The following SEMA4D variants were observed in gnomAD, a reference collection of about 807,000 sequenced individuals.
The protein encoded by SEMA4D is semaphorin-4D.
A neutral mutation model predicts 74.8 loss-of-function variants in SEMA4D; 22 were observed. The observed-to-expected ratio is 0.29, with a 90% confidence interval of 0.21 to 0.42. The LOEUF (loss-of-function observed/expected upper bound fraction) is 0.42. Among genes scored for constraint, SEMA4D ranks in the 10% least tolerant of loss-of-function variants. The pLI is 1.00. For synonymous variants in SEMA4D, 445 were observed against 463.7 expected (o/e 0.96, Z 0.52); for missense variants, 937 against 1,118.4 (o/e 0.84, Z 2.31).
Position 89,461,700 on chromosome 9 carries a change from C to CTCTCTCTTTTTTTTT in SEMA4D, c.-309-5748_-309-5747insAAAAAAAAAGAGAGA, listed in dbSNP as rs71281350. Among the ~76,000 whole-genome samples the CTCTCTCTTTTTTTTT allele has an allele frequency of 1.4e-3, 148 of 103,636 alleles. 1 individual carries two copies. The highest frequency in any genetic ancestry group is 0.014 in the East Asian group (37 of 2,726). The allele number at this position is 103,636 out of a possible 152,430, so 68.0% of individuals were successfully genotyped here. On this transcript the variant is annotated intron_variant, in intron 1 of 15. Transcript: ENST00000422704. ...GGGCCAATGTGTATTTCTTTTTTCT[C>CTCTCTCTTTTTTTTT]TTTTTTTTTTTTTTTTTTTGGAGAC...
chr9:89,428,475 C>G (rs1448883714), intron 2 of SEMA4D, among the ~76,000 whole-genome samples: 1 of 152,250 alleles, frequency 6.6e-6, no homozygotes, highest in Admixed American at 6.5e-5. Context: ...TCCATTGCAG[C>G]CAGCGTGGAT....
At chr9:89,435,477 G>A (rs1304033001) in intron 2 of SEMA4D, among the ~76,000 whole-genome samples, 2 of 152,156 alleles carry the variant, frequency 1.3e-5, no homozygotes, top group Admixed American at 1.3e-4. Context: ...CAAGAGCTGT[G>A]GAGTTTCTGG....
At chr9:89,464,605 G>GA (rs1858185850) in intron 1 of SEMA4D, among the ~76,000 whole-genome samples, 2 of 152,184 alleles carry the variant, frequency 1.3e-5, no homozygotes, top group Non-Finnish European at 2.9e-5. Context: ...AAGAGGACAG[G>GA]GACACTGAGG....
In SEMA4D at chr9:89,403,023, G is replaced by A; in HGVS notation, c.107-7C>T. ...AACTGCACCAGGTGCACCTCTGTGG[G>A]ATGCAAGGGCAGGGTCAGAGTGGGA... On this transcript the variant is annotated splice_region_variant and splice_polypyrimidine_tract_variant and intron_variant, in intron 3 of 15. Coordinates refer to ENST00000422704, the MANE Select transcript of SEMA4D (RefSeq NM_001371194.2). The A allele has an allele frequency of 1.2e-6, 2 of 1,602,216 alleles. No homozygotes were observed. Among genetic ancestry groups the A allele is most frequent in the Non-Finnish European group, 1.7e-6 (2 of 1,169,954 alleles).
At chr9:89,412,046 C>T (rs1377974028) in intron 2 of SEMA4D, among the ~76,000 whole-genome samples, 1 of 152,164 alleles carries the variant, frequency 6.6e-6, no homozygotes, top group Non-Finnish European at 1.5e-5. Context: ...TGGCTGGCTC[C>T]ATCCCACAGT....
Position 89,379,604 on chromosome 9 carries a change from C to T in SEMA4D, c.1689G>A (p.Gln563=). 1.9e-6 allele frequency: 3 copies of T among 1,610,798 alleles called. No individual in the cohort carries two copies. Among genetic ancestry groups the T allele is most frequent in the Middle Eastern group, 1.7e-4 (1 of 6,052 alleles). Reference sequence around the variant, plus strand: ...CTGTGCCACCGTGCTTGAAAAAATGCTGCCGGTAACTTCCTTTACTTTTAT... The same window carrying T: ...CTGTGCCACCGTGCTTGAAAAAATGTTGCCGGTAACTTCCTTTACTTTTAT... ...CPDKSKGSYR[Q]HFFKHGGTAE... is the part of the protein sequence containing the mutation. The change falls in exon 16 of 16, where the codon CAG becomes CAA. Residue 563 remains glutamine, a synonymous_variant. Transcript: ENST00000422704.
intron 1 of SEMA4D, among the ~76,000 whole-genome samples, chr9:89,490,408 T>C (rs893762622): frequency 6.6e-6 from 1 of 152,266 alleles, no homozygotes; most frequent in African/African-American, 2.4e-5. Context: ...GTTTCATTTA[T>C]GATTTTTTGG....
At chr9:89,418,537 A>T (rs888982579) in intron 2 of SEMA4D, 4 of 457,142 alleles carry the variant, frequency 8.8e-6, no homozygotes, top group African/African-American at 8.6e-5. Flanking sequence ...GCAGAAACAC[A>T]TATGGCATAA....
intron 4 of SEMA4D, 91 bp from the exon 5 acceptor site, chr9:89,399,429 G>C: frequency 2.0e-6 from 2 of 992,342 alleles, no homozygotes; most frequent in Non-Finnish European, 3.2e-6. Flanking sequence ...ATAGAGTTTA[G>C]AGCCTAGAGG....
At chr9:89,408,548 A>G (rs191827757) in intron 2 of SEMA4D, among the ~76,000 whole-genome samples, 2 of 152,348 alleles carry the variant, frequency 1.3e-5, no homozygotes, top group African/African-American at 4.8e-5. Flanking sequence ...TGTGACAAAC[A>G]TCATACAGCC....
chr9:89,425,353 A>G (rs1847876328), intron 2 of SEMA4D, among the ~76,000 whole-genome samples: 1 of 152,056 alleles, frequency 6.6e-6, no homozygotes, highest in Non-Finnish European at 1.5e-5. Flanking sequence ...GCTGGTCTTC[A>G]TTCACGGGGT....
intron 1 of SEMA4D, among the ~76,000 whole-genome samples, chr9:89,485,644 C>A (rs368314881): frequency 2.0e-5 from 3 of 151,920 alleles, no homozygotes; most frequent in Non-Finnish European, 4.4e-5. Context: ...CAAAATTAGC[C>A]GGGCATGGTG....
chr9:89,372,082 C>T (rs1452809299), intron 16 of SEMA4D, among the ~76,000 whole-genome samples: 1 of 22,268 alleles, frequency 4.5e-5, no homozygotes, highest in African/African-American at 2.1e-4. Context: ...TGGTGTGTGT[C>T]GGGTGTGTGT....
At chr9:89,386,237 G>A (rs1838451636) in intron 13 of SEMA4D, 130 bp downstream of exon 13, 1 of 987,596 alleles carries the variant, frequency 1.0e-6, no homozygotes, top group African/African-American at 1.7e-5. Context: ...TCTGAAGGTT[G>A]GCTCACCCAG....
intron 2 of SEMA4D, among the ~76,000 whole-genome samples, chr9:89,438,964 CTTTTTTTTTTTTTTTTTTTTTT>C (rs57394947): frequency 5.2e-5 from 2 of 38,190 alleles, no homozygotes; most frequent in East Asian, 9.2e-4. Context: ...CGCACCGGGC[CTTTTTTTTTTTTTTTTTTTTTT>C]TTTTTTTTTT....
chr9:89,380,930 G>C lies in SEMA4D; in HGVS notation c.1663+125C>G. ...ACCACGAGTCTGCTACAGAACACTT[G>C]ACCTCTGTTCCGAGTGGAGAAAGAA... is the stretch of plus-strand genomic sequence containing the variant. On this transcript the variant is annotated intron_variant, in intron 15 of 15. Coordinates refer to ENST00000422704, the MANE Select transcript of SEMA4D (RefSeq NM_001371194.2). The C allele has an allele frequency of 2.6e-6, 3 of 1,156,096 alleles. No homozygotes were observed. In the Admixed American group the frequency reaches 5.7e-5, roughly 22 times the overall value. The allele number at this position is 1,156,096 out of a possible 1,614,324, so 71.6% of individuals were successfully genotyped here.
In SEMA4D at chr9:89,386,378, A is replaced by T; in HGVS notation, c.1435T>A (p.Ser479Thr). 6.2e-7 allele frequency: 1 copy of T among 1,612,554 alleles called. No individual in the cohort carries two copies. The highest frequency in any genetic ancestry group is 8.5e-7 in the Non-Finnish European group (1 of 1,178,868). Residue 479 changes from serine (S) to threonine (T), a missense_variant, in exon 13 of 16, where the codon TCT (serine) becomes ACT (threonine). Physicochemically the swap from Ser to Thr is moderately conservative, Grantham distance 58. Coordinates refer to ENST00000422704, the MANE Select transcript of SEMA4D (RefSeq NM_001371194.2). ...DFEPVQTLLL[S>T]SKKGNRFVYA... is the part of the protein sequence containing the mutation. ...CTGCGTCACTTTACCTTCTTTGAAG[A>T]CAGCAGCAGGGTCTGGACTGGCTCA...
chr9:89,491,727 C>T (rs1166996206), intron 1 of SEMA4D, among the ~76,000 whole-genome samples: 1 of 152,190 alleles, frequency 6.6e-6, no homozygotes, highest in Non-Finnish European at 1.5e-5. Flanking sequence ...GCGTTCAGTC[C>T]ATGTGGAACT....
At chr9:89,383,502 G>A (rs1273468729) in intron 13 of SEMA4D, among the ~76,000 whole-genome samples, 2 of 152,180 alleles carry the variant, frequency 1.3e-5, no homozygotes, top group African/African-American at 4.8e-5. Flanking sequence ...GAGTGCTGAG[G>A]TCAGGGAGGC....
Sources: gnomAD v4.1 joint callset for allele counts (sites outside exome capture counted in the v4.1 genomes callset) on GRCh38, gnomAD v4.1.1 for gene constraint, MANE v1.5 for transcripts, NCBI Gene and HGNC (gene_info 2026-07-23, HGNC 2026-07-21) for gene names.